The following EHMT1 variants were observed in gnomAD, a reference collection of about 807,000 sequenced individuals.
EHMT1 encodes euchromatic histone lysine methyltransferase 1.
A neutral mutation model predicts 147.2 loss-of-function variants in EHMT1; 15 were observed. The ratio of observed to expected loss-of-function variants is 0.10; its 90% CI spans 0.07 to 0.16. The LOEUF (loss-of-function observed/expected upper bound fraction) is 0.16, where lower values mean the gene tolerates loss of function less well. EHMT1 is among the 10% of genes least tolerant of loss of function. The pLI is 1.00. For missense variants in EHMT1, 1,587 were observed against 1,772.4 expected (o/e 0.90, Z 1.88); for synonymous variants, 795 against 709.6 (o/e 1.12, Z -1.91).
In EHMT1 at chr9:137,715,593, C is replaced by T. The variant is rs145922368; in HGVS notation, c.86-1033C>T. On this transcript the variant is annotated intron_variant, in intron 2 of 26. Coordinates refer to ENST00000460843, the MANE Select transcript of EHMT1 (RefSeq NM_024757.5). ...TTGACTGAGCTCCGTGTGCACCTAG[C>T]GATGCCATCGCAGGCTTCCTGCCTC... 1.8e-3 allele frequency: 1,756 copies of T among 985,424 alleles called. 5 individuals are homozygous for T. The Middle Eastern group carries it at 0.028, about 16-fold the overall frequency. The allele number at this position is 985,424 out of a possible 1,614,324, so 61.0% of individuals were successfully genotyped here.
chr9:137,705,333 TCTC>T (rs1164895410), intron 1 of EHMT1, among the ~76,000 whole-genome samples: 6 of 152,146 alleles, frequency 3.9e-5, no homozygotes, highest in Non-Finnish European at 7.4e-5. Context: ...GGACATGAAA[TCTC>T]CTGAGTGTTC....
At chr9:137,636,875 T>A (rs926985702) in intron 1 of EHMT1, among the ~76,000 whole-genome samples, 20 of 151,874 alleles carry the variant, frequency 1.3e-4, no homozygotes, top group South Asian at 2.1e-4. Context: ...ATTTATTATT[T>A]TTTTTTGAGA....
At chr9:137,700,266 C>T (rs1355038597) in intron 1 of EHMT1, among the ~76,000 whole-genome samples, 5 of 152,106 alleles carry the variant, frequency 3.3e-5, no homozygotes, top group Non-Finnish European at 5.9e-5. Context: ...CCTGTAGTGC[C>T]CACCTCCCCG....
chr9:137,760,775 C>T (rs193155780), intron 9 of EHMT1, among the ~76,000 whole-genome samples: 21 of 152,100 alleles, frequency 1.4e-4, no homozygotes, highest in Non-Finnish European at 2.5e-4. Context: ...TTTGGGAGGC[C>T]GAGGTGGGCA....
At chr9:137,796,801 AAGC>A (rs1270243303) in intron 16 of EHMT1, among the ~76,000 whole-genome samples, 19 of 139,532 alleles carry the variant, frequency 1.4e-4, no homozygotes, top group Non-Finnish European at 2.2e-4. Flanking sequence ...TATGACCAAC[AAGC>A]AGATGAAAAC....
intron 6 of EHMT1, chr9:137,746,947 CA>C (rs141570798): frequency 0.11 from 17,249 of 151,956 alleles, 2,095 homozygotes; most frequent in African/African-American, 0.31. Context: ...AATCAAGAAA[CA>C]AAAGCAAAGC....
intron 1 of EHMT1, among the ~76,000 whole-genome samples, chr9:137,643,208 T>C (rs1179839553): frequency 1.3e-5 from 2 of 151,962 alleles, no homozygotes; most frequent in East Asian, 1.9e-4. Context: ...TCATGTGGGC[T>C]TGAGTTACTG....
Position 137,796,452 on chromosome 9 carries a change from C to T in EHMT1, c.2506-2361C>T, listed in dbSNP as rs112261898. On this transcript the variant is annotated intron_variant, in intron 16 of 26. Transcript: ENST00000460843. ...AAGTGCAGTGGCTCACGCCTGTAAT[C>T]CCAGCACTTTGGGAGGCTGAGGCGG... is the stretch of plus-strand genomic sequence containing the variant. 9.5e-3 allele frequency among the ~76,000 whole-genome samples: 1,440 copies of T among 152,212 alleles called. 20 individuals are homozygous for T. Among genetic ancestry groups the T allele is most frequent in the African/African-American group, 0.031 (1,299 of 41,526 alleles).
chr9:137,657,498 C>CTT (rs545345887), intron 1 of EHMT1, among the ~76,000 whole-genome samples: 1,993 of 126,104 alleles, frequency 0.016, 47 homozygotes, highest in African/African-American at 0.05. Context: ...CACCTGGTTG[C>CTT]TTTTTTTTTT....
Position 137,778,092 on chromosome 9 carries a change from G to C in EHMT1, c.2192+37G>C, listed in dbSNP as rs751884663. On this transcript the variant is annotated intron_variant, in intron 13 of 26. Coordinates refer to ENST00000460843, the MANE Select transcript of EHMT1 (RefSeq NM_024757.5). Reference sequence around the variant, plus strand: ...CATGTGATTTCAGAGATGTCTCAGAGCCTGTTTTAATCTGCACCCCGCGTT... The same window carrying C: ...CATGTGATTTCAGAGATGTCTCAGACCCTGTTTTAATCTGCACCCCGCGTT... The C allele has an allele frequency of 2.5e-6, 4 of 1,613,136 alleles. No homozygotes were observed. The East Asian group carries it at 8.9e-5, about 36-fold the overall frequency.
chr9:137,658,783 T>A (rs764189868), intron 1 of EHMT1, among the ~76,000 whole-genome samples: 25 of 152,128 alleles, frequency 1.6e-4, no homozygotes, highest in Middle Eastern at 3.4e-3. Context: ...TGGCTATTTT[T>A]AAAAAATTAT....
chr9:137,717,849 A>G (rs1342691089), intron 3 of EHMT1, among the ~76,000 whole-genome samples: 3 of 152,320 alleles, frequency 2.0e-5, no homozygotes, highest in African/African-American at 7.2e-5. Context: ...AGAAGTGAAT[A>G]GAAATGAACT....
chr9:137,814,180 A>G (rs2137749136), intron 21 of EHMT1: 1 of 578,798 alleles, frequency 1.7e-6, no homozygotes, highest in East Asian at 3.0e-5. Flanking sequence ...CACGTCACCC[A>G]CTGCCGCGTC....
chr9:137,628,733 G>A (rs1387636432), intron 1 of EHMT1, among the ~76,000 whole-genome samples: 1 of 152,218 alleles, frequency 6.6e-6, no homozygotes, highest in Non-Finnish European at 1.5e-5. Context: ...GGCCAGCAAG[G>A]GTGATGTTTG....
intron 1 of EHMT1, among the ~76,000 whole-genome samples, chr9:137,701,816 G>A (rs1445732213): frequency 3.4e-5 from 5 of 147,094 alleles, no homozygotes; most frequent in South Asian, 2.2e-4. Flanking sequence ...TTTTTGAGAC[G>A]GAGTTTTGCT....
chr9:137,680,109 G>A (rs1941796244), intron 1 of EHMT1, among the ~76,000 whole-genome samples: 1 of 152,098 alleles, frequency 6.6e-6, no homozygotes, highest in African/African-American at 2.4e-5. Flanking sequence ...CGTTGTATCT[G>A]TATCTTGTAT....
chr9:137,814,610 C>A, intron 22 of EHMT1, 102 bp downstream of exon 22: 1 of 1,379,260 alleles, frequency 7.3e-7, no homozygotes. Flanking sequence ...GTCGTGGCAG[C>A]GTCGGGAAGG....
chr9:137,726,810 T>A (rs1342434346), intron 3 of EHMT1, among the ~76,000 whole-genome samples: 1 of 152,246 alleles, frequency 6.6e-6, no homozygotes, highest in African/African-American at 2.4e-5. Context: ...CTCACTGTGG[T>A]TTCCATATGC....
At chr9:137,682,371 T>C (rs1209013457) in intron 1 of EHMT1, among the ~76,000 whole-genome samples, 3 of 152,192 alleles carry the variant, frequency 2.0e-5, no homozygotes, top group African/African-American at 4.8e-5. Context: ...TTATGTGTTA[T>C]GTGAGGAAAT....
Sources: allele counts gnomAD v4.1 joint callset (sites outside exome capture counted in the v4.1 genomes callset), GRCh38; gene constraint gnomAD v4.1.1; transcripts MANE v1.5; gene names NCBI Gene and HGNC (gene_info 2026-07-23, HGNC 2026-07-21).